CCSER1: variants seen among roughly 807,000 people sequenced by gnomAD.
The protein encoded by CCSER1 is coiled-coil serine rich protein 1, also known as serine-rich coiled-coil domain-containing protein 1.
CCSER1 carries 41 observed loss-of-function variants against 82.0 expected under a neutral mutation model. The ratio of observed to expected loss-of-function variants is 0.50; its 90% CI spans 0.39 to 0.65. The LOEUF is 0.65. Among genes scored for constraint, CCSER1 ranks in the 30% least tolerant of loss-of-function variants. The pLI is 0.00. For synonymous variants in CCSER1, 414 were observed against 383.9 expected (o/e 1.08, Z -0.92); for missense variants, 1,119 against 1,064.2 (o/e 1.05, Z -0.72).
chr4:90,975,420 A>G (rs1292735775), intron 9 of CCSER1, among the ~76,000 whole-genome samples: 3 of 151,404 alleles, frequency 2.0e-5, no homozygotes, highest in Non-Finnish European at 4.4e-5. Flanking sequence ...TAAAAACTTC[A>G]TATTGTGCAC....
chr4:90,751,793 T>G (rs545521923), intron 7 of CCSER1, among the ~76,000 whole-genome samples: 1 of 152,214 alleles, frequency 6.6e-6, no homozygotes, highest in African/African-American at 2.4e-5. Context: ...AGCATTATTT[T>G]ACATCTGTGT....
At chr4:91,208,478 T>A (rs1458955665) in intron 10 of CCSER1, among the ~76,000 whole-genome samples, 1 of 151,930 alleles carries the variant, frequency 6.6e-6, no homozygotes, top group African/African-American at 2.4e-5. Flanking sequence ...ACTTATCGAA[T>A]AGGGAGTCTT....
At chr4:91,202,214 T>C (rs1735957741) in intron 10 of CCSER1, among the ~76,000 whole-genome samples, 1 of 150,078 alleles carries the variant, frequency 6.7e-6, no homozygotes, top group South Asian at 2.1e-4. Flanking sequence ...TTGGGGAGAA[T>C]CTGCCCTATA....
At chr4:90,681,929 A>G (rs1235660022) in intron 6 of CCSER1, among the ~76,000 whole-genome samples, 1 of 151,874 alleles carries the variant, frequency 6.6e-6, no homozygotes, top group Non-Finnish European at 1.5e-5. Context: ...AATGTTTTTG[A>G]TTTTCTAGTA....
At chr4:91,187,204 G>C (rs1406723258) in intron 10 of CCSER1, among the ~76,000 whole-genome samples, 1 of 152,190 alleles carries the variant, frequency 6.6e-6, no homozygotes, top group Non-Finnish European at 1.5e-5. Context: ...TACCTCAGTT[G>C]GAAATGCAGA....
chr4:91,423,784 T>A (rs1301412647), intron 10 of CCSER1, among the ~76,000 whole-genome samples: 1 of 152,004 alleles, frequency 6.6e-6, no homozygotes, highest in Non-Finnish European at 1.5e-5. Context: ...AAACAAAAGA[T>A]AATATATACA....
intron 10 of CCSER1, among the ~76,000 whole-genome samples, chr4:91,108,649 C>T (rs1301200244): frequency 2.6e-5 from 4 of 152,282 alleles, no homozygotes; most frequent in South Asian, 4.1e-4. Flanking sequence ...AGGTTCTGTG[C>T]ATACTGTATA....
At chr4:90,488,256 A>C (rs1019928414) in intron 5 of CCSER1, among the ~76,000 whole-genome samples, 1 of 152,144 alleles carries the variant, frequency 6.6e-6, no homozygotes, top group African/African-American at 2.4e-5. Flanking sequence ...ATCTCAGCAC[A>C]CTGCAAGCTC....
chr4:90,898,444 A>AT (rs538250886), intron 8 of CCSER1, among the ~76,000 whole-genome samples: 2,929 of 138,786 alleles, frequency 0.021, 83 homozygotes, highest in African/African-American at 0.062. Flanking sequence ...TGCCTGGCTA[A>AT]TTTTTTTTTT....
intron 3 of CCSER1, among the ~76,000 whole-genome samples, chr4:90,339,993 A>C (rs1374920079): frequency 1.3e-5 from 2 of 152,064 alleles, no homozygotes; most frequent in East Asian, 3.8e-4. Flanking sequence ...AAATAGAAGA[A>C]AGAAAAAGTA....
intron 9 of CCSER1, among the ~76,000 whole-genome samples, chr4:91,000,715 T>C (rs1210880018): frequency 6.6e-6 from 1 of 152,150 alleles, no homozygotes; most frequent in African/African-American, 2.4e-5. Flanking sequence ...GTTCTTGATT[T>C]GGCCCTCAGC....
Position 91,598,874 on chromosome 4 carries a change from C to CACGTTCTTAGAGAAACCA in CCSER1, c.2522_2539dup (p.Thr841_Pro846dup). 1 of 1,551,614 alleles carries CACGTTCTTAGAGAAACCA rather than the reference C, an allele frequency of 6.4e-7. No homozygotes were observed. The highest frequency in any genetic ancestry group is 1.2e-5 in the South Asian group (1 of 84,062). ...CAACAGCTAAGACAGAAGGGCTCTC[C>CACGTTCTTAGAGAAACCA]ACGTTCTTAGAGAAACCAAAGGACC... On this transcript the variant is annotated inframe_insertion, in exon 11 of 11. Coordinates refer to ENST00000509176, the MANE Select transcript of CCSER1 (RefSeq NM_001145065.2).
At chr4:91,372,777 A>G (rs955317207) in intron 10 of CCSER1, among the ~76,000 whole-genome samples, 11 of 152,256 alleles carry the variant, frequency 7.2e-5, no homozygotes, top group African/African-American at 2.6e-4. Flanking sequence ...TAGCGGGTGC[A>G]CATGAATAAT....
At chr4:91,592,009 T>C (rs1026689185) in intron 10 of CCSER1, among the ~76,000 whole-genome samples, 1 of 152,172 alleles carries the variant, frequency 6.6e-6, no homozygotes, top group Admixed American at 6.6e-5. Flanking sequence ...ACTGTATAAA[T>C]ATTAATGGAG....
chr4:90,691,731 C>T (rs991302171), intron 6 of CCSER1, among the ~76,000 whole-genome samples: 8 of 151,728 alleles, frequency 5.3e-5, no homozygotes, highest in South Asian at 2.1e-4. Flanking sequence ...TTCAGGAGTA[C>T]ATATGCAGGT....
At chr4:90,598,858 T>C (rs967809661) in intron 5 of CCSER1, among the ~76,000 whole-genome samples, 4 of 151,876 alleles carry the variant, frequency 2.6e-5, no homozygotes, top group Admixed American at 6.6e-5. Flanking sequence ...GTTCCCAGAG[T>C]AGGGAGCTAT....
At chr4:91,548,071 G>A (rs1408840855) in intron 10 of CCSER1, among the ~76,000 whole-genome samples, 1 of 152,150 alleles carries the variant, frequency 6.6e-6, no homozygotes, top group Non-Finnish European at 1.5e-5. Flanking sequence ...TTACAGGCGT[G>A]AGCCACTGCG....
intron 1 of CCSER1, among the ~76,000 whole-genome samples, chr4:90,249,248 G>C (rs980332666): frequency 6.6e-6 from 1 of 152,108 alleles, no homozygotes; most frequent in African/African-American, 2.4e-5. Context: ...AGAGACAGGG[G>C]TGGCTACCTT....
At chr4:90,255,925 G>GA (rs1247543997) in intron 1 of CCSER1, among the ~76,000 whole-genome samples, 1 of 152,120 alleles carries the variant, frequency 6.6e-6, no homozygotes, top group Non-Finnish European at 1.5e-5. Context: ...TGAAGCTCTA[G>GA]ATGTTTATGT....
Sources: gnomAD v4.1 joint callset for allele counts (sites outside exome capture counted in the v4.1 genomes callset) on GRCh38, gnomAD v4.1.1 for gene constraint, MANE v1.5 for transcripts, NCBI Gene and HGNC (gene_info 2026-07-23, HGNC 2026-07-21) for gene names.